The following XKR9 variants were observed in gnomAD, a reference collection of about 807,000 sequenced individuals.
XKR9 encodes the protein XK-related protein 9.
Under a neutral mutation model 32.0 loss-of-function variants are expected in XKR9, and 32 were observed. The ratio of observed to expected loss-of-function variants is 1.00; its 90% confidence interval spans 0.76 to 1.34. The LOEUF is 1.34. XKR9 is among the 40% of genes most tolerant of loss of function. The pLI, the probability that XKR9 is intolerant of heterozygous loss-of-function variation, is 0.00. For synonymous variants in XKR9, 168 were observed against 143.4 expected, an observed-to-expected ratio of 1.17 and a Z score of -1.22; for missense variants, 546 against 429.7, an observed-to-expected ratio of 1.27 and a Z score of -2.39.
At chr8:71,060,270 G>T in the XKR9 span, among the ~76,000 whole-genome samples, 3 of 152,282 alleles carry the variant, frequency 2.0e-5, no homozygotes, top group South Asian at 6.2e-4. Context: ...GGGCCCTGTG[G>T]CCTATTCTAG....
chr8:70,962,577 A>G, the XKR9 span, among the ~76,000 whole-genome samples: 2 of 152,166 alleles, frequency 1.3e-5, no homozygotes, highest in Admixed American at 1.3e-4. Flanking sequence ...CACGGTGTAT[A>G]CTTACCACAC....
intron 2 of XKR9, among the ~76,000 whole-genome samples, chr8:70,747,184 T>C (rs1321102072): frequency 6.6e-6 from 1 of 152,210 alleles, no homozygotes; most frequent in East Asian, 1.9e-4. Flanking sequence ...GTTGATGCCA[T>C]GTCTTTGTTA....
At chr8:70,749,028 A>G (rs2130179511) in intron 2 of XKR9, among the ~76,000 whole-genome samples, 1 of 152,268 alleles carries the variant, frequency 6.6e-6, no homozygotes, top group Admixed American at 6.5e-5. Flanking sequence ...TGTGGAAAGG[A>G]GCTACCCACC....
the XKR9 span, among the ~76,000 whole-genome samples, chr8:70,936,785 G>A: frequency 3.3e-5 from 5 of 152,014 alleles, no homozygotes; most frequent in Admixed American, 3.3e-4. Flanking sequence ...TTTCAAGGCT[G>A]CTTGAACCAG....
the XKR9 span, among the ~76,000 whole-genome samples, chr8:71,050,970 C>T: frequency 3.1e-3 from 468 of 151,700 alleles, 1 homozygote; most frequent in Middle Eastern, 0.027. Flanking sequence ...AAAAGTAAGA[C>T]AATGATAGGG....
chr8:70,703,727 G>T (rs268652), intron 3 of XKR9, among the ~76,000 whole-genome samples: 36,235 of 151,992 alleles, frequency 0.24, 5,246 homozygotes, highest in Admixed American at 0.39. Flanking sequence ...TTTGTAATCA[G>T]TAGGGGAATC....
the XKR9 span, among the ~76,000 whole-genome samples, chr8:70,939,570 T>A: frequency 6.6e-6 from 1 of 152,050 alleles, no homozygotes; most frequent in African/African-American, 2.4e-5. Context: ...AAGTAGCTAT[T>A]TAATAAATAT....
chr8:70,753,760 G>A (rs1256159099), intron 2 of XKR9, among the ~76,000 whole-genome samples: 27 of 151,564 alleles, frequency 1.8e-4, no homozygotes, highest in Admixed American at 5.3e-4. Context: ...CTGATGGGAC[G>A]TATCTCAAAA....
At chr8:70,674,171 A>G (rs759848648) in intron 1 of XKR9, among the ~76,000 whole-genome samples, 15 of 151,934 alleles carry the variant, frequency 9.9e-5, no homozygotes, top group Non-Finnish European at 2.2e-4. Context: ...CTTGTCTCTT[A>G]AAAAAAAGCA....
the XKR9 span, among the ~76,000 whole-genome samples, chr8:71,063,748 G>T: frequency 7.4e-4 from 113 of 152,230 alleles, no homozygotes; most frequent in Admixed American, 2.6e-3. Context: ...TCTCCTGAAG[G>T]TGCATTTTTG....
the XKR9 span, among the ~76,000 whole-genome samples, chr8:70,848,787 A>G: frequency 3.3e-5 from 5 of 150,366 alleles, no homozygotes; most frequent in African/African-American, 9.8e-5. Context: ...AAAAAAGAGC[A>G]GGAGTTGCAA....
the XKR9 span, among the ~76,000 whole-genome samples, chr8:71,021,563 C>T: frequency 4.3e-5 from 6 of 139,504 alleles, no homozygotes; most frequent in Non-Finnish European, 9.0e-5. Context: ...GGTGCAGTGG[C>T]GCGATCTCGA....
the XKR9 span, among the ~76,000 whole-genome samples, chr8:71,016,284 T>A: frequency 6.6e-6 from 1 of 152,200 alleles, no homozygotes; most frequent in African/African-American, 2.4e-5. Context: ...TTTTATATTT[T>A]TTCAATCAAT....
chr8:71,014,121 C>A, the XKR9 span, among the ~76,000 whole-genome samples: 2 of 152,160 alleles, frequency 1.3e-5, no homozygotes, highest in Non-Finnish European at 2.9e-5. Flanking sequence ...CTGAGTCAAG[C>A]TTCCAGGCAT....
the XKR9 span, among the ~76,000 whole-genome samples, chr8:70,796,650 T>C: frequency 6.6e-6 from 1 of 152,224 alleles, no homozygotes; most frequent in African/African-American, 2.4e-5. Context: ...TATTGACTAA[T>C]TTGACATTTG....
intron 2 of XKR9, among the ~76,000 whole-genome samples, chr8:70,774,439 C>T (rs1017406090): frequency 6.6e-5 from 10 of 152,206 alleles, no homozygotes; most frequent in South Asian, 2.1e-4. Flanking sequence ...CACTGCACCT[C>T]GCTTCATTTG....
At chr8:70,687,010 G>A (rs542599608) in intron 3 of XKR9, among the ~76,000 whole-genome samples, 26 of 152,008 alleles carry the variant, frequency 1.7e-4, no homozygotes, top group African/African-American at 4.8e-4. Flanking sequence ...GTAAATTATC[G>A]TTGACTTTAA....
the XKR9 span, among the ~76,000 whole-genome samples, chr8:70,896,693 T>A: frequency 6.6e-6 from 1 of 151,952 alleles, no homozygotes; most frequent in Non-Finnish European, 1.5e-5. Flanking sequence ...TATTTTTTCC[T>A]TCTTTCTGCT....
chr8:70,678,957 AC>A (rs1818973302), intron 2 of XKR9, among the ~76,000 whole-genome samples: 1 of 152,242 alleles, frequency 6.6e-6, no homozygotes, highest in African/African-American at 2.4e-5. Context: ...ATAGCAGAAT[AC>A]CACAGACTTA....
Sources: gnomAD v4.1 joint callset for allele counts (sites outside exome capture counted in the v4.1 genomes callset) on GRCh38, gnomAD v4.1.1 for gene constraint, MANE v1.5 for transcripts, NCBI Gene and HGNC (gene_info 2026-07-23, HGNC 2026-07-21) for gene names.